EHMT1: variants seen among roughly 807,000 people sequenced by gnomAD.
EHMT1 encodes euchromatic histone lysine methyltransferase 1, also known as histone-lysine N-methyltransferase EHMT1.
In EHMT1, 15 loss-of-function variants were observed where a neutral mutation model predicts 147.2. The ratio of observed to expected loss-of-function variants is 0.10; its 90% CI spans 0.07 to 0.16. The LOEUF (loss-of-function observed/expected upper bound fraction) is 0.16, where lower values mean the gene tolerates loss of function less well. Among genes scored for constraint, EHMT1 ranks in the 10% least tolerant of loss-of-function variants. EHMT1 has a pLI of 1.00. For missense variants in EHMT1, 1,587 were observed against 1,772.4 expected (o/e 0.90, Z 1.88); for synonymous variants, 795 against 709.6 (o/e 1.12, Z -1.91).
chr9:137,734,566 A>C (rs749554391), intron 4 of EHMT1, among the ~76,000 whole-genome samples: 28 of 152,182 alleles, frequency 1.8e-4, no homozygotes, highest in Non-Finnish European at 3.1e-4. Flanking sequence ...GGTGGAGAGA[A>C]TATCTGATGA....
chr9:137,702,612 G>A (rs1398743906), intron 1 of EHMT1, among the ~76,000 whole-genome samples: 1 of 152,162 alleles, frequency 6.6e-6, no homozygotes. Context: ...GGCGTTGAGT[G>A]CCTGCTGCTT....
intron 16 of EHMT1, chr9:137,792,097 C>A (rs1184260421): frequency 2.1e-6 from 1 of 469,834 alleles, no homozygotes; most frequent in South Asian, 1.6e-5. Flanking sequence ...TCAAGAGACC[C>A]AGAGAAGCCA....
chr9:137,784,278 T>C, intron 15 of EHMT1: 1 of 1,475,182 alleles, frequency 6.8e-7, no homozygotes, highest in Admixed American at 2.2e-5. Context: ...GGGGGCTGAC[T>C]CCGCCTTTCA....
At chr9:137,726,931 C>T (rs1016082037) in intron 3 of EHMT1, among the ~76,000 whole-genome samples, 5 of 152,310 alleles carry the variant, frequency 3.3e-5, no homozygotes, top group South Asian at 4.1e-4. Flanking sequence ...AGCATCTTCT[C>T]ATGTGCTCAT....
intron 17 of EHMT1, among the ~76,000 whole-genome samples, chr9:137,799,301 A>G (rs1953247365): frequency 6.6e-6 from 1 of 152,056 alleles, no homozygotes; most frequent in Non-Finnish European, 1.5e-5. Flanking sequence ...GTCTGGCTGG[A>G]GGCTCCTCCC....
intron 9 of EHMT1, among the ~76,000 whole-genome samples, chr9:137,759,502 G>A (rs1949642150): frequency 6.6e-6 from 1 of 152,210 alleles, no homozygotes; most frequent in Non-Finnish European, 1.5e-5. Flanking sequence ...TGGTGAGGTC[G>A]GGGGAAGGTA....
At chr9:137,758,786 C>T (rs551115434) in intron 9 of EHMT1, among the ~76,000 whole-genome samples, 1 of 152,094 alleles carries the variant, frequency 6.6e-6, no homozygotes, top group East Asian at 1.9e-4. Flanking sequence ...TTTGAGTCAC[C>T]TATGTAATTC....
intron 18 of EHMT1, among the ~76,000 whole-genome samples, chr9:137,809,577 G>A (rs1441590697): frequency 2.6e-5 from 4 of 152,246 alleles, no homozygotes; most frequent in East Asian, 3.8e-4. Flanking sequence ...TGGGAAGATC[G>A]CTGACCATTC....
chr9:137,825,389 A>G (rs1385087428), intron 25 of EHMT1, among the ~76,000 whole-genome samples: 2 of 152,136 alleles, frequency 1.3e-5, no homozygotes, highest in African/African-American at 4.8e-5. Flanking sequence ...TTTCCACAAT[A>G]TCATGTAAGT....
In EHMT1 at chr9:137,777,882, T is replaced by C; in HGVS notation, c.2019T>C (p.Ser673=). 6.2e-7 allele frequency: 1 copy of C among 1,612,874 alleles called. No homozygotes were observed. Among genetic ancestry groups the C allele is most frequent in the Non-Finnish European group, 8.5e-7 (1 of 1,179,994 alleles). The change falls in exon 13 of 27, where the codon AGT becomes AGC. Residue 673 remains serine, a splice_region_variant and synonymous_variant. Coordinates refer to ENST00000460843, the MANE Select transcript of EHMT1 (RefSeq NM_024757.5). ...CTTTCCCCGATTTCCTCCCCTGAAG[T>C]GCTGCCGGGCCACCACTCTCGGAGG... ...LEGRADTTTG[S]AAGPPLSEDD...
At chr9:137,646,102 G>A (rs1421519292) in intron 1 of EHMT1, among the ~76,000 whole-genome samples, 2 of 152,076 alleles carry the variant, frequency 1.3e-5, no homozygotes, top group East Asian at 1.9e-4. Context: ...GGGATGACAG[G>A]TGCCCACCAC....
chr9:137,744,396 A>G (rs931882532), intron 6 of EHMT1, among the ~76,000 whole-genome samples: 2 of 151,466 alleles, frequency 1.3e-5, no homozygotes, highest in Admixed American at 6.6e-5. Flanking sequence ...ATCATAGCTC[A>G]CTGCACTCAA....
chr9:137,630,915 A>G (rs189696503), intron 1 of EHMT1, among the ~76,000 whole-genome samples: 43 of 152,264 alleles, frequency 2.8e-4, no homozygotes, highest in African/African-American at 9.6e-4. Flanking sequence ...CACTGTAGAC[A>G]GTCCTTGAAG....
At chr9:137,779,051 G>C (rs562935526) in intron 13 of EHMT1, among the ~76,000 whole-genome samples, 1 of 152,322 alleles carries the variant, frequency 6.6e-6, no homozygotes, top group Admixed American at 6.5e-5. Context: ...CTGCCTCCAG[G>C]ATCCAGTCAC....
intron 1 of EHMT1, 116 bp from the exon 2 acceptor site, chr9:137,710,851 C>T (rs2135385354): frequency 2.6e-6 from 3 of 1,169,406 alleles, no homozygotes; most frequent in South Asian, 2.9e-5. Context: ...TCTGACTGTC[C>T]AGCAGCTCAT....
intron 7 of EHMT1, among the ~76,000 whole-genome samples, chr9:137,753,397 C>T (rs577801813): frequency 2.4e-4 from 36 of 152,308 alleles, no homozygotes; most frequent in Middle Eastern, 3.4e-3. Flanking sequence ...TGCTGAAATT[C>T]TTCCCAAAAG....
At chr9:137,773,407 C>G (rs1564732704) in intron 10 of EHMT1, among the ~76,000 whole-genome samples, 1 of 151,868 alleles carries the variant, frequency 6.6e-6, no homozygotes, top group Non-Finnish European at 1.5e-5. Flanking sequence ...GGGGCCCAGA[C>G]TGTCTTTTAA....
chr9:137,752,816 G>C (rs1365190980), intron 7 of EHMT1, among the ~76,000 whole-genome samples: 12 of 152,030 alleles, frequency 7.9e-5, no homozygotes, highest in Admixed American at 5.9e-4. Flanking sequence ...AGGGTGTGGC[G>C]GGAGCCGGCA....
At chr9:137,812,194 C>T (rs977015759) in intron 19 of EHMT1, among the ~76,000 whole-genome samples, 3 of 152,106 alleles carry the variant, frequency 2.0e-5, no homozygotes, top group African/African-American at 4.8e-5. Context: ...AAAAATTAGC[C>T]GGCCATGGTG....
Sources: allele counts gnomAD v4.1 joint callset (sites outside exome capture counted in the v4.1 genomes callset), GRCh38; gene constraint gnomAD v4.1.1; transcripts MANE v1.5; gene names NCBI Gene and HGNC (gene_info 2026-07-23, HGNC 2026-07-21).